The following TLK2 variants were observed in gnomAD, a reference collection of about 807,000 sequenced individuals.
TLK2 encodes tousled like kinase 2.
Under a neutral mutation model 117.3 loss-of-function variants are expected in TLK2, and 6 were observed. That is an observed-to-expected ratio of 0.05 (90% CI 0.03 to 0.10). The LOEUF (loss-of-function observed/expected upper bound fraction) is 0.10, where lower values mean the gene tolerates loss of function less well. Ranked by LOEUF, TLK2 falls within the 10% of genes least tolerant of loss-of-function variation. The pLI, the probability that TLK2 is intolerant of heterozygous loss-of-function variation, is 1.00. For synonymous variants in TLK2, 257 were observed against 316.7 expected (o/e 0.81, Z 2.00); for missense variants, 299 against 901.2 (o/e 0.33, Z 8.56).
intron 16 of TLK2, among the ~76,000 whole-genome samples, chr17:62,595,284 T>C (rs1372660561): frequency 2.3e-3 from 231 of 100,418 alleles, no homozygotes; most frequent in Middle Eastern, 9.7e-3. Context: ...CCTGGCCCCC[T>C]TTTTTTTTTT....
rs1387675149 is a variant in TLK2 at position 62,498,429 on chromosome 17, G to A, written c.81+17223G>A. Among the ~76,000 whole-genome samples, 22 of 143,114 alleles carry A rather than the reference G, an allele frequency of 1.5e-4. No individual in the cohort carries two copies. The East Asian group carries it at 3.1e-3, about 20-fold the overall frequency. The allele number at this position is 143,114 out of a possible 152,430, so 93.9% of individuals were successfully genotyped here. A position where few individuals can be genotyped will look rare whatever the true frequency, so the allele number is the denominator to read the frequency against. The stretch of plus-strand genomic sequence containing the variant: ...TTTTGAGACAAAGTCTTGCTCTGTC[G>A]CCCAGGCTGTAGTGCAGTGGCACAG... On this transcript the variant is annotated intron_variant, in intron 2 of 21. Coordinates refer to ENST00000346027, the MANE Select transcript of TLK2 (RefSeq NM_006852.6).
intron 2 of TLK2, among the ~76,000 whole-genome samples, chr17:62,485,857 G>T (rs1318113556): frequency 8.2e-6 from 1 of 122,012 alleles, no homozygotes; most frequent in African/African-American, 3.2e-5. Flanking sequence ...ATCTCACTCT[G>T]TCGCCCAGGC....
At chr17:62,572,603 A>G (rs1322283080) in intron 11 of TLK2, among the ~76,000 whole-genome samples, 1 of 152,238 alleles carries the variant, frequency 6.6e-6, no homozygotes, top group African/African-American at 2.4e-5. Context: ...ACTAGTTGGA[A>G]GACTTCGTTG....
intron 16 of TLK2, among the ~76,000 whole-genome samples, chr17:62,587,763 T>C (rs976323694): frequency 9.9e-5 from 15 of 152,140 alleles, no homozygotes; most frequent in Admixed American, 2.6e-4. Context: ...TCACTTGATA[T>C]GTAGGGATGA....
intron 2 of TLK2, among the ~76,000 whole-genome samples, chr17:62,505,628 T>A (rs1302457015): frequency 6.6e-6 from 1 of 152,046 alleles, no homozygotes; most frequent in Non-Finnish European, 1.5e-5. Flanking sequence ...ATTTTAAAAA[T>A]GCTTTTAATA....
At chr17:62,558,937 T>A (rs1033306723) in intron 9 of TLK2, among the ~76,000 whole-genome samples, 1 of 152,350 alleles carries the variant, frequency 6.6e-6, no homozygotes, top group Middle Eastern at 3.4e-3. Context: ...TAGGAACACA[T>A]AACAGGTTTT....
chr17:62,487,557 T>C (rs146643316), intron 2 of TLK2, among the ~76,000 whole-genome samples: 1,646 of 149,974 alleles, frequency 0.011, 30 homozygotes, highest in African/African-American at 0.039. Context: ...AGGAGATATC[T>C]GTAAAAATTT....
At chr17:62,523,215 A>G (rs1322631978) in intron 5 of TLK2, 38 bp downstream of exon 5, 9 of 1,590,512 alleles carry the variant, frequency 5.7e-6, no homozygotes, top group Non-Finnish European at 5.1e-6. Flanking sequence ...CAAACAAAAC[A>G]AAACAAAAAA....
chr17:62,477,750 A>G (rs1400719022), upstream of TLK2: 1 of 152,036 alleles, frequency 6.6e-6, no homozygotes, highest in African/African-American at 2.4e-5. Flanking sequence ...GTGAAGAGTG[A>G]TTTTTTTCCC....
At chr17:62,609,147 T>A (rs986119224) in intron 21 of TLK2, among the ~76,000 whole-genome samples, 1 of 152,152 alleles carries the variant, frequency 6.6e-6, no homozygotes, top group Non-Finnish European at 1.5e-5. Flanking sequence ...AGTGGCATTA[T>A]CACGGCTCAC....
At chr17:62,581,536 T>C (rs565194892) in intron 15 of TLK2, among the ~76,000 whole-genome samples, 1 of 151,222 alleles carries the variant, frequency 6.6e-6, no homozygotes, top group East Asian at 2.0e-4. Flanking sequence ...ACTCCAGAGC[T>C]GAAGTGTACT....
intron 2 of TLK2, among the ~76,000 whole-genome samples, chr17:62,491,398 T>C (rs1005071842): frequency 6.6e-6 from 1 of 152,328 alleles, no homozygotes; most frequent in African/African-American, 2.4e-5. Context: ...CAGTGGTTTC[T>C]TATTTCATAC....
At chr17:62,520,087 C>G (rs2075929693) in intron 2 of TLK2, among the ~76,000 whole-genome samples, 1 of 152,146 alleles carries the variant, frequency 6.6e-6, no homozygotes, top group Admixed American at 6.6e-5. Flanking sequence ...CAATAGCAAG[C>G]TTTTCTGTGA....
intron 2 of TLK2, among the ~76,000 whole-genome samples, chr17:62,508,723 T>C (rs1464839140): frequency 6.6e-6 from 1 of 152,156 alleles, no homozygotes; most frequent in African/African-American, 2.4e-5. Context: ...TCGCAGCACT[T>C]TGGGAGGCCG....
intron 17 of TLK2, among the ~76,000 whole-genome samples, chr17:62,598,103 C>T (rs766981710): frequency 6.6e-6 from 1 of 152,130 alleles, no homozygotes; most frequent in Non-Finnish European, 1.5e-5. Context: ...TTTGGGTAGC[C>T]CTGGCACTGA....
chr17:62,531,067 G>A (rs2076707896), intron 6 of TLK2, among the ~76,000 whole-genome samples: 1 of 152,176 alleles, frequency 6.6e-6, no homozygotes, highest in South Asian at 2.1e-4. Flanking sequence ...TTATGATGAT[G>A]TGTCATTTCA....
chr17:62,495,103 G>T (rs927536761), intron 2 of TLK2, among the ~76,000 whole-genome samples: 2 of 151,912 alleles, frequency 1.3e-5, no homozygotes, highest in Admixed American at 6.6e-5. Flanking sequence ...GGAGGCGGAG[G>T]TTGCTGTGAG....
intron 6 of TLK2, among the ~76,000 whole-genome samples, chr17:62,524,550 A>G (rs1340096186): frequency 6.6e-6 from 1 of 152,210 alleles, no homozygotes; most frequent in African/African-American, 2.4e-5. Flanking sequence ...TATATAATAA[A>G]TTACCTCTAA....
At chr17:62,512,265 A>G (rs1252604718) in intron 2 of TLK2, among the ~76,000 whole-genome samples, 2 of 109,928 alleles carry the variant, frequency 1.8e-5, no homozygotes, top group Non-Finnish European at 3.4e-5. Flanking sequence ...CTTATTGCCC[A>G]GGCTGGAGTA....
Sources: allele counts gnomAD v4.1 joint callset (sites outside exome capture counted in the v4.1 genomes callset), GRCh38; gene constraint gnomAD v4.1.1; transcripts MANE v1.5; gene names NCBI Gene and HGNC (gene_info 2026-07-23, HGNC 2026-07-21).